PLPPR1: variants seen among roughly 807,000 people sequenced by gnomAD.
PLPPR1 encodes the protein phospholipid phosphatase related 1.
A neutral mutation model predicts 33.1 loss-of-function variants in PLPPR1; 10 were observed. The observed-to-expected ratio is 0.30, with a 90% CI of 0.19 to 0.51. The LOEUF (loss-of-function observed/expected upper bound fraction) is 0.51, where lower values mean the gene tolerates loss of function less well. PLPPR1 is among the 20% of genes least tolerant of loss of function. The pLI, the probability that PLPPR1 is intolerant of heterozygous loss-of-function variation, is 0.97. For missense variants in PLPPR1, 304 were observed against 408.1 expected (o/e 0.74, Z 2.20); for synonymous variants, 151 against 151.0 (o/e 1.00, Z 0.00).
At chr9:101,175,465 G>C (rs532611173) in intron 1 of PLPPR1, among the ~76,000 whole-genome samples, 1 of 152,080 alleles carries the variant, frequency 6.6e-6, no homozygotes, top group South Asian at 2.1e-4. Context: ...ACTGTCTACT[G>C]TGCCTAAAAG....
At chr9:101,181,809 A>G (rs1273253604) in intron 1 of PLPPR1, among the ~76,000 whole-genome samples, 2 of 148,988 alleles carry the variant, frequency 1.3e-5, no homozygotes, top group East Asian at 3.9e-4. Flanking sequence ...TTCTTCATTC[A>G]TTAATAATTG....
rs117076848 is a variant in PLPPR1 at position 101,277,837 on chromosome 9, C to G, written c.252+7769C>G. 3.5e-4 allele frequency among the ~76,000 whole-genome samples: 53 copies of G among 152,278 alleles called. No homozygotes were observed. The East Asian group carries it at 8.5e-3, about 24-fold the overall frequency. On this transcript the variant is annotated intron_variant, in intron 3 of 7. Coordinates refer to ENST00000374874, the MANE Select transcript of PLPPR1 (RefSeq NM_207299.2). ...GCCTGGGTAGACCAGCAAGTACAAACAGAAAACATAGGACATATATATATG... is the reference window on the plus strand; with the variant it reads ...GCCTGGGTAGACCAGCAAGTACAAAGAGAAAACATAGGACATATATATATG...
intron 1 of PLPPR1, among the ~76,000 whole-genome samples, chr9:101,063,752 A>G (rs1242036509): frequency 1.3e-5 from 2 of 152,182 alleles, no homozygotes; most frequent in South Asian, 4.1e-4. Context: ...CTTAAACACT[A>G]TCCCCATCAA....
chr9:101,278,113 G>T (rs1008826569), intron 3 of PLPPR1, among the ~76,000 whole-genome samples: 3 of 152,136 alleles, frequency 2.0e-5, no homozygotes, highest in African/African-American at 7.2e-5. Flanking sequence ...TGTATTCTGG[G>T]AATTCTAAAT....
chr9:101,270,073 GTACAGAAATAGACTTTC>G lies in PLPPR1; in HGVS notation c.252+6_252+22del, dbSNP rs766511291. 1.2e-6 allele frequency: 2 copies of G among 1,614,004 alleles called. No homozygotes were observed. The highest frequency in any genetic ancestry group is 1.7e-6 in the Non-Finnish European group (2 of 1,179,866). On this transcript the variant is annotated splice_donor_region_variant and intron_variant, in intron 3 of 7. Coordinates refer to ENST00000374874, the MANE Select transcript of PLPPR1 (RefSeq NM_207299.2). ...GCTGCCACCCCAACTGCTATTGTAA[GTACAGAAATAGACTTTC>G]CTCTTTATTGTCAGATACCCAAGAA...
intron 2 of PLPPR1, among the ~76,000 whole-genome samples, chr9:101,255,744 C>A (rs932286223): frequency 6.6e-6 from 1 of 152,114 alleles, no homozygotes; most frequent in Admixed American, 6.6e-5. Context: ...GGCAAGAAAA[C>A]AACATGCAAC....
intron 4 of PLPPR1, among the ~76,000 whole-genome samples, chr9:101,287,814 T>C (rs1221541169): frequency 6.6e-6 from 1 of 152,146 alleles, no homozygotes; most frequent in East Asian, 1.9e-4. Context: ...GTAACGTATT[T>C]CATAGTCCTA....
chr9:101,301,539 C>A (rs1168886601), intron 4 of PLPPR1, among the ~76,000 whole-genome samples: 1 of 152,124 alleles, frequency 6.6e-6, no homozygotes, highest in East Asian at 1.9e-4. Flanking sequence ...CTTATGATTT[C>A]AACCATCTGA....
At chr9:101,088,655 T>C (rs1830705784) in intron 1 of PLPPR1, among the ~76,000 whole-genome samples, 1 of 152,182 alleles carries the variant, frequency 6.6e-6, no homozygotes, top group South Asian at 2.1e-4. Flanking sequence ...TAATCAGCAA[T>C]AAAATTTTCC....
At chr9:101,233,507 T>C (rs1407885094) in intron 2 of PLPPR1, among the ~76,000 whole-genome samples, 3 of 151,982 alleles carry the variant, frequency 2.0e-5, no homozygotes, top group African/African-American at 2.4e-5. Context: ...TCAAAATTCA[T>C]AGTGAAATTT....
At chr9:101,114,454 T>C (rs749370042) in intron 1 of PLPPR1, among the ~76,000 whole-genome samples, 1 of 152,198 alleles carries the variant, frequency 6.6e-6, no homozygotes, top group Non-Finnish European at 1.5e-5. Context: ...GATAGGGTCA[T>C]CTACAAAAGA....
intron 1 of PLPPR1, among the ~76,000 whole-genome samples, chr9:101,123,788 A>T (rs1831206458): frequency 6.6e-6 from 1 of 152,300 alleles, no homozygotes; most frequent in East Asian, 1.9e-4. Flanking sequence ...CAAATTCCAG[A>T]GCCACGAGCC....
At chr9:101,227,149 C>A (rs988787230) in intron 2 of PLPPR1, among the ~76,000 whole-genome samples, 7 of 152,160 alleles carry the variant, frequency 4.6e-5, no homozygotes, top group African/African-American at 1.7e-4. Context: ...ACCTTGAGGG[C>A]CTCTTTGATG....
intron 2 of PLPPR1, among the ~76,000 whole-genome samples, chr9:101,204,894 A>G (rs193201902): frequency 6.6e-6 from 1 of 152,120 alleles, no homozygotes; most frequent in Non-Finnish European, 1.5e-5. Context: ...TTTAGGTTCT[A>G]TCTTTGGAGA....
intron 1 of PLPPR1, among the ~76,000 whole-genome samples, chr9:101,059,510 C>T (rs989747933): frequency 2.6e-5 from 4 of 151,966 alleles, no homozygotes; most frequent in African/African-American, 9.7e-5. Flanking sequence ...GGCATTATGG[C>T]TGTAAAGTAA....
intron 1 of PLPPR1, among the ~76,000 whole-genome samples, chr9:101,118,894 T>TTTG (rs1203191781): frequency 6.6e-6 from 1 of 151,928 alleles, no homozygotes; most frequent in Non-Finnish European, 1.5e-5. Flanking sequence ...CCATGTTTTT[T>TTTG]TTTGTTTTGC....
intron 1 of PLPPR1, among the ~76,000 whole-genome samples, chr9:101,038,907 A>G (rs1260113553): frequency 2.0e-5 from 3 of 152,110 alleles, no homozygotes; most frequent in East Asian, 3.9e-4. Flanking sequence ...TTAGACAACA[A>G]TCAGCTGTAA....
At chr9:101,039,180 A>C (rs1271412641) in intron 1 of PLPPR1, among the ~76,000 whole-genome samples, 1 of 152,200 alleles carries the variant, frequency 6.6e-6, no homozygotes, top group Non-Finnish European at 1.5e-5. Flanking sequence ...TGAAAGCAGG[A>C]TCATGTGGTG....
Position 101,324,048 on chromosome 9 carries a change from A to C in PLPPR1, c.969A>C (p.Glu323Asp). The change falls in exon 8 of 8, where the codon GAA (glutamate) becomes GAC (aspartate). Residue 323 changes from glutamate (E) to aspartate (D), a missense_variant. By Grantham distance (45) the Glu-to-Asp change is conservative. Transcript: ENST00000374874. Reference sequence around the variant, plus strand: ...AGAATCACTCTGCGTCCATGACCGAAGTTACCTGAGACGACTGATGTGTCA... The same window carrying C: ...AGAATCACTCTGCGTCCATGACCGACGTTACCTGAGACGACTGATGTGTCA... ...SAQNHSASMT[E>D]VT 6.2e-7 allele frequency: 1 copy of C among 1,612,606 alleles called. No individual in the cohort carries two copies. The highest frequency in any genetic ancestry group is 1.1e-5 in the South Asian group (1 of 91,006).
Sources: gnomAD v4.1 joint callset for allele counts (sites outside exome capture counted in the v4.1 genomes callset) on GRCh38, gnomAD v4.1.1 for gene constraint, MANE v1.5 for transcripts, NCBI Gene and HGNC (gene_info 2026-07-23, HGNC 2026-07-21) for gene names.